The following TPST1 variants were observed in gnomAD, a reference collection of about 807,000 sequenced individuals.
The protein encoded by TPST1 is tyrosylprotein sulfotransferase 1.
TPST1 carries 20 observed loss-of-function variants against 34.8 expected under a neutral mutation model. The ratio of observed to expected loss-of-function variants is 0.57; its 90% CI spans 0.40 to 0.84. The LOEUF is 0.84. Ranked by LOEUF, TPST1 falls within the 40% of genes least tolerant of loss-of-function variation. The pLI is 0.00. For synonymous variants in TPST1, 152 were observed against 159.4 expected, an observed-to-expected ratio of 0.95 and a Z score of 0.35; for missense variants, 353 against 455.5, an observed-to-expected ratio of 0.78 and a Z score of 2.05.
chr7:66,260,492 T>G lies in TPST1; in HGVS notation c.845+19222T>G, dbSNP rs377290881. Among the ~76,000 whole-genome samples the G allele has an allele frequency of 4.8e-4, 73 of 152,342 alleles. 1 individual carries two copies. Among genetic ancestry groups the G allele is most frequent in the African/African-American group, 1.7e-3 (69 of 41,584 alleles). On this transcript the variant is annotated intron_variant, in intron 2 of 5. Coordinates refer to ENST00000304842, the MANE Select transcript of TPST1 (RefSeq NM_003596.4). ...ACTGTGGAATAATCTGTGGAATAAC[T>G]GTTTTAATGCATTTGGTAATTCTAA...
At chr7:66,331,012 G>A (rs922190853) in intron 3 of TPST1, among the ~76,000 whole-genome samples, 1 of 152,186 alleles carries the variant, frequency 6.6e-6, no homozygotes, top group Admixed American at 6.5e-5. Context: ...CAGTCAAGCT[G>A]TCAGCTGGGC....
intron 3 of TPST1, among the ~76,000 whole-genome samples, chr7:66,296,266 C>G (rs1407508006): frequency 1.0e-5 from 1 of 96,468 alleles, no homozygotes; most frequent in Non-Finnish European, 2.1e-5. Context: ...CCTCCCCCAC[C>G]GTCTCTGCCT....
At chr7:66,227,476 G>A (rs1395826321) in intron 1 of TPST1, among the ~76,000 whole-genome samples, 3 of 151,990 alleles carry the variant, frequency 2.0e-5, no homozygotes, top group Non-Finnish European at 4.4e-5. Context: ...AGACTGGAGG[G>A]CAGTGGTGTG....
chr7:66,317,302 T>C (rs945039211), intron 3 of TPST1, among the ~76,000 whole-genome samples: 1 of 152,226 alleles, frequency 6.6e-6, no homozygotes, highest in African/African-American at 2.4e-5. Flanking sequence ...ACTACTGGTT[T>C]GTCTCTCTTA....
chr7:66,223,276 G>T (rs1789581528), intron 1 of TPST1, among the ~76,000 whole-genome samples: 1 of 151,470 alleles, frequency 6.6e-6, no homozygotes, highest in Admixed American at 6.6e-5. Context: ...AGGAGGCCTT[G>T]TCTCTACAAA....
At chr7:66,273,611 A>T (rs1397161773) in intron 2 of TPST1, among the ~76,000 whole-genome samples, 1 of 152,178 alleles carries the variant, frequency 6.6e-6, no homozygotes, top group Non-Finnish European at 1.5e-5. Flanking sequence ...GAGCGCCCCC[A>T]GAAATAAACC....
chr7:66,214,930 C>T (rs983572581), intron 1 of TPST1, among the ~76,000 whole-genome samples: 2 of 143,048 alleles, frequency 1.4e-5, no homozygotes, highest in African/African-American at 5.1e-5. Context: ...TATAGATATA[C>T]ATTTTATATA....
intron 2 of TPST1, among the ~76,000 whole-genome samples, chr7:66,250,063 G>A (rs776381411): frequency 6.6e-6 from 1 of 152,138 alleles, no homozygotes; most frequent in Admixed American, 6.5e-5. Context: ...ATCTCTCTCC[G>A]TGTCTCCATT....
intron 3 of TPST1, among the ~76,000 whole-genome samples, chr7:66,347,895 A>C (rs905971817): frequency 2.0e-5 from 3 of 152,134 alleles, no homozygotes; most frequent in Non-Finnish European, 4.4e-5. Flanking sequence ...GTTTTTCCAA[A>C]TATAAGGTTA....
chr7:66,256,003 A>G (rs1358480788), intron 2 of TPST1, among the ~76,000 whole-genome samples: 2 of 152,128 alleles, frequency 1.3e-5, no homozygotes, highest in Non-Finnish European at 2.9e-5. Context: ...CTAATTTAAA[A>G]TTTCCTTCTG....
chr7:66,320,592 G>A (rs769233138), intron 3 of TPST1, among the ~76,000 whole-genome samples: 3 of 149,626 alleles, frequency 2.0e-5, no homozygotes, highest in Non-Finnish European at 3.0e-5. Flanking sequence ...GTTTTTGCAT[G>A]TAGTCATAGT....
Position 66,241,101 on chromosome 7 carries a change from T to C in TPST1, c.676T>C (p.Cys226Arg). 1 of 1,614,130 alleles carries C rather than the reference T, an allele frequency of 6.2e-7. No individual in the cohort carries two copies. The highest frequency in any genetic ancestry group is 8.5e-7 in the Non-Finnish European group (1 of 1,180,016). The stretch of plus-strand genomic sequence containing the variant: ...TGCTATAGAGACCATGTATAACCAG[T>C]GTATGGAGGTTGGTTATAAAAAGTG... ...NRAIETMYNQ[C>R]MEVGYKKCML... The change falls in exon 2 of 6, where the codon TGT (cysteine) becomes CGT (arginine). Residue 226 changes from cysteine to arginine, a missense_variant. By Grantham distance (180) the Cys-to-Arg change is radical. Transcript: ENST00000304842.
At chr7:66,203,259 A>C (rs953370483), upstream of TPST1, among the ~76,000 whole-genome samples, 5 of 151,280 alleles carry the variant, frequency 3.3e-5, no homozygotes, top group African/African-American at 2.4e-5. Flanking sequence ...TTTGGGTGAG[A>C]GGCAAGGTCT....
rs547539285 is a variant in TPST1 at position 66,359,994 on chromosome 7, A to C, written c.*129A>C. Reference sequence around the variant, plus strand: ...TGCACCTTGGCTGCGCCGCCTGTGCATTTGCCAGTTTCCTCCCACTGAGAG... The same window carrying C: ...TGCACCTTGGCTGCGCCGCCTGTGCCTTTGCCAGTTTCCTCCCACTGAGAG... On this transcript the variant is annotated 3_prime_UTR_variant, in exon 6 of 6. Transcript: ENST00000304842. 2.2e-6 allele frequency: 1 copy of C among 456,462 alleles called. No homozygotes were observed. Among genetic ancestry groups the C allele is most frequent in the Non-Finnish European group, 4.4e-6 (1 of 226,798 alleles). The allele number at this position is 456,462 out of a possible 1,614,324, so 28.3% of individuals were successfully genotyped here.
At chr7:66,341,039 CAG>C (rs749210598) in intron 3 of TPST1, among the ~76,000 whole-genome samples, 1 of 152,094 alleles carries the variant, frequency 6.6e-6, no homozygotes, top group Non-Finnish European at 1.5e-5. Flanking sequence ...AAGTAATCTA[CAG>C]AGTCAGTATA....
rs186914029 is a variant in TPST1, at chr7:66,272,843, T to G, written c.846-13668T>G. ...CTCAAGCAGTCCACTCACCTTGCCCTCCTAAAGTGCTGGGATTACGGGTGT... is the reference window on the plus strand; with the variant it reads ...CTCAAGCAGTCCACTCACCTTGCCCGCCTAAAGTGCTGGGATTACGGGTGT... On this transcript the variant is annotated intron_variant, in intron 2 of 5. Transcript: ENST00000304842. Among the ~76,000 whole-genome samples the G allele has an allele frequency of 8.2e-3, 1,248 of 152,232 alleles. 10 individuals carry two copies. Among genetic ancestry groups the G allele is most frequent in the Non-Finnish European group, 0.013 (858 of 68,036 alleles).
chr7:66,225,908 A>G (rs1789645456), intron 1 of TPST1, among the ~76,000 whole-genome samples: 2 of 152,100 alleles, frequency 1.3e-5, no homozygotes, highest in Non-Finnish European at 2.9e-5. Context: ...TGTTTTTGAG[A>G]CGGAGTCTTG....
At chr7:66,257,748 T>C (rs1489562382) in intron 2 of TPST1, among the ~76,000 whole-genome samples, 1 of 152,214 alleles carries the variant, frequency 6.6e-6, no homozygotes, top group Non-Finnish European at 1.5e-5. Context: ...CTCAGATGGC[T>C]GAGGGACAAT....
At chr7:66,233,383 G>T (rs1789839296) in intron 1 of TPST1, among the ~76,000 whole-genome samples, 1 of 152,142 alleles carries the variant, frequency 6.6e-6, no homozygotes, top group South Asian at 2.1e-4. Context: ...TTTGAGAACA[G>T]CATATGGTAG....
Sources: allele counts gnomAD v4.1 joint callset (sites outside exome capture counted in the v4.1 genomes callset), GRCh38; gene constraint gnomAD v4.1.1; transcripts MANE v1.5; gene names NCBI Gene and HGNC (gene_info 2026-07-23, HGNC 2026-07-21).